The following MAML3 variants were observed in gnomAD, a reference collection of about 807,000 sequenced individuals.
MAML3 encodes the protein mastermind-like protein 3.
In MAML3, 27 loss-of-function variants were observed where a neutral mutation model predicts 101.9. The ratio of observed to expected loss-of-function variants is 0.27; its 90% CI spans 0.20 to 0.37. The LOEUF is 0.37. Ranked by LOEUF, MAML3 falls within the 10% of genes least tolerant of loss-of-function variation. MAML3 has a pLI of 1.00. For missense variants in MAML3, 1,316 were observed against 1,444.9 expected (o/e 0.91, Z 1.45); for synonymous variants, 501 against 555.9 (o/e 0.90, Z 1.39).
chr4:139,868,597 A>G (rs1033990440), intron 2 of MAML3, among the ~76,000 whole-genome samples: 4 of 152,164 alleles, frequency 2.6e-5, no homozygotes, highest in Admixed American at 2.6e-4. Context: ...AATTCACTTG[A>G]TGTTTCTAGG....
intron 1 of MAML3, among the ~76,000 whole-genome samples, chr4:140,151,401 C>A (rs948829284): frequency 6.6e-6 from 1 of 151,950 alleles, no homozygotes; most frequent in East Asian, 2.0e-4. Context: ...ACGTGGGGAG[C>A]GAGCACTGCG....
chr4:139,770,122 G>A (rs1019243957), intron 2 of MAML3, among the ~76,000 whole-genome samples: 8 of 151,802 alleles, frequency 5.3e-5, no homozygotes, highest in African/African-American at 1.9e-4. Flanking sequence ...TGTAGAGACA[G>A]GGCCTCACTA....
chr4:139,819,164 G>A (rs1730935573), intron 2 of MAML3, among the ~76,000 whole-genome samples: 1 of 152,176 alleles, frequency 6.6e-6, no homozygotes, highest in African/African-American at 2.4e-5. Context: ...AGTGGTATTT[G>A]ATTGGGCCTG....
chr4:140,022,619 G>T (rs535986362), intron 1 of MAML3, among the ~76,000 whole-genome samples: 1 of 152,310 alleles, frequency 6.6e-6, no homozygotes, highest in East Asian at 1.9e-4. Context: ...TCTAGAAATA[G>T]CAAAATGTGT....
chr4:139,832,963 G>A (rs1349918159), intron 2 of MAML3, among the ~76,000 whole-genome samples: 1 of 152,174 alleles, frequency 6.6e-6, no homozygotes. Flanking sequence ...ACAGGCCAGA[G>A]AGCATAACAG....
intron 2 of MAML3, among the ~76,000 whole-genome samples, chr4:139,769,622 CTTT>C (rs113328444): frequency 1.4e-5 from 2 of 145,598 alleles, no homozygotes; most frequent in Admixed American, 6.9e-5. Flanking sequence ...AGTTCTTTTT[CTTT>C]TTTTTTTTTG....
At position 139,954,884 on chromosome 4, in the gene MAML3, A is replaced by G. The variant is rs564365288; in HGVS notation, c.469-63917T>C. On this transcript the variant is annotated intron_variant, in intron 1 of 4. Coordinates refer to ENST00000509479, the MANE Select transcript of MAML3 (RefSeq NM_018717.5). ...TAGTACCTGTATACCATAAATATATACAAAAATAATGTATCGATAAAAATT... is the reference window on the plus strand; with the variant it reads ...TAGTACCTGTATACCATAAATATATGCAAAAATAATGTATCGATAAAAATT... Among the ~76,000 whole-genome samples the G allele has an allele frequency of 3.3e-5, 5 of 152,302 alleles. No homozygotes were observed. The South Asian group carries it at 1.0e-3, about 32-fold the overall frequency.
At chr4:139,771,480 C>G (rs1729979391) in intron 2 of MAML3, among the ~76,000 whole-genome samples, 1 of 152,158 alleles carries the variant, frequency 6.6e-6, no homozygotes, top group Non-Finnish European at 1.5e-5. Flanking sequence ...CACAAAAGCT[C>G]CTATACTTTT....
At chr4:140,132,802 ATTG>A in intron 1 of MAML3, among the ~76,000 whole-genome samples, 1 of 152,162 alleles carries the variant, frequency 6.6e-6, no homozygotes, top group Non-Finnish European at 1.5e-5. Flanking sequence ...ATTTTCTTGT[ATTG>A]TTCTTGCTTT....
At chr4:140,051,465 G>A (rs1055014125) in intron 1 of MAML3, among the ~76,000 whole-genome samples, 5 of 151,896 alleles carry the variant, frequency 3.3e-5, no homozygotes, top group African/African-American at 9.7e-5. Flanking sequence ...GCTGAGACAG[G>A]AGAATCGCTT....
intron 1 of MAML3, among the ~76,000 whole-genome samples, chr4:140,122,227 T>TC (rs1345732129): frequency 6.6e-6 from 1 of 151,244 alleles, no homozygotes; most frequent in African/African-American, 2.4e-5. Flanking sequence ...AGACTTTTTT[T>TC]TTTTTTTTTT....
intron 1 of MAML3, among the ~76,000 whole-genome samples, chr4:140,010,102 C>T (rs1350204016): frequency 6.6e-6 from 1 of 152,086 alleles, no homozygotes; most frequent in Non-Finnish European, 1.5e-5. Context: ...ATGAGAGTAC[C>T]ATCAAATCTA....
At chr4:140,118,903 G>C (rs1728558307) in intron 1 of MAML3, among the ~76,000 whole-genome samples, 1 of 152,142 alleles carries the variant, frequency 6.6e-6, no homozygotes, top group Non-Finnish European at 1.5e-5. Context: ...GGCACACACA[G>C]AATGGATGCA....
chr4:139,737,045 T>C (rs1341471530), intron 2 of MAML3, among the ~76,000 whole-genome samples: 1 of 152,154 alleles, frequency 6.6e-6, no homozygotes, highest in Admixed American at 6.6e-5. Flanking sequence ...ACTACTCCAG[T>C]TGCAACTGTG....
intron 2 of MAML3, among the ~76,000 whole-genome samples, chr4:139,847,420 CAT>C (rs368471950): frequency 6.2e-4 from 94 of 152,298 alleles, no homozygotes; most frequent in Admixed American, 3.1e-3. Context: ...TTGTTTTACA[CAT>C]GTTTCCATGC....
At chr4:139,801,975 A>C (rs1477968557) in intron 2 of MAML3, among the ~76,000 whole-genome samples, 1 of 152,180 alleles carries the variant, frequency 6.6e-6, no homozygotes, top group Non-Finnish European at 1.5e-5. Flanking sequence ...CAGACTGCCC[A>C]CTTCAGAATG....
chr4:139,984,388 T>C (rs1419896703), intron 1 of MAML3, among the ~76,000 whole-genome samples: 2 of 151,458 alleles, frequency 1.3e-5, no homozygotes, highest in Middle Eastern at 3.4e-3. Context: ...TGGGGAGGAG[T>C]AGCCAGAGGA....
chr4:139,873,945 T>G (rs2111179440), intron 2 of MAML3, among the ~76,000 whole-genome samples: 1 of 152,394 alleles, frequency 6.6e-6, no homozygotes. Flanking sequence ...AGATAACTAA[T>G]ATGGTAATCT....
chr4:139,960,701 G>A (rs78301084), intron 1 of MAML3, among the ~76,000 whole-genome samples: 5,464 of 152,202 alleles, frequency 0.036, 292 homozygotes, highest in African/African-American at 0.11. Context: ...CCTTCCCAGG[G>A]TCCTCCTGAC....
Sources: gnomAD v4.1 joint callset for allele counts (sites outside exome capture counted in the v4.1 genomes callset) on GRCh38, gnomAD v4.1.1 for gene constraint, MANE v1.5 for transcripts, NCBI Gene and HGNC (gene_info 2026-07-23, HGNC 2026-07-21) for gene names.